The following UNC80 variants were observed in gnomAD, a reference collection of about 807,000 sequenced individuals.
UNC80 encodes unc-80 subunit of NALCN channel complex.
A neutral mutation model predicts 384.6 loss-of-function variants in UNC80; 164 were observed. That is an observed-to-expected ratio of 0.43 (90% CI 0.38 to 0.49). The LOEUF (loss-of-function observed/expected upper bound fraction) is 0.49, where lower values mean the gene tolerates loss of function less well. Among genes scored for constraint, UNC80 ranks in the 20% least tolerant of loss-of-function variants. The pLI, the probability that UNC80 is intolerant of heterozygous loss-of-function variation, is 0.00. For synonymous variants in UNC80, 1,486 were observed against 1,527.8 expected (o/e 0.97, Z 0.64); for missense variants, 3,330 against 4,143.0 (o/e 0.80, Z 5.39).
At position 209,933,976 on chromosome 2, in the gene UNC80, T is replaced by C; in HGVS notation, c.6149T>C (p.Val2050Ala). 6.5e-7 allele frequency: 1 copy of C among 1,549,612 alleles called. No homozygotes were observed. The highest frequency in any genetic ancestry group is 8.7e-7 in the Non-Finnish European group (1 of 1,146,246). The change falls in exon 39 of 65, where the codon GTG becomes GCG. Residue 2050 changes from valine (V) to alanine (A), a missense_variant. Physicochemically the swap from Val to Ala is moderately conservative, Grantham distance 64. Transcript: ENST00000673920. ...KQTMKKEQCEVKLLVTASMPG... is the reference protein window; with the variant it reads ...KQTMKKEQCEAKLLVTASMPG... Reference sequence around the variant, plus strand: ...ACGATGAAGAAGGAGCAGTGTGAGGTGAAGCTCCTGGTGACCGCTTCAATG... The same window carrying C: ...ACGATGAAGAAGGAGCAGTGTGAGGCGAAGCTCCTGGTGACCGCTTCAATG...
At chr2:209,788,246 A>G (rs1187330711) in intron 5 of UNC80, among the ~76,000 whole-genome samples, 1 of 151,882 alleles carries the variant, frequency 6.6e-6, no homozygotes, top group Non-Finnish European at 1.5e-5. Context: ...GAGAAACCCC[A>G]TCTCTATTAA....
At chr2:209,896,513 G>A (rs1245783376) in intron 28 of UNC80, 100 bp downstream of exon 28, 8 of 974,934 alleles carry the variant, frequency 8.2e-6, no homozygotes, top group African/African-American at 6.5e-5. Flanking sequence ...TCATCAATCC[G>A]ATCTAGCCTC....
chr2:209,826,146 GA>G, intron 14 of UNC80, 93 bp downstream of exon 14: 2 of 1,288,980 alleles, frequency 1.6e-6, no homozygotes, highest in South Asian at 3.5e-5. Context: ...AGTGTTCCCT[GA>G]AAAATATTGT....
intron 22 of UNC80, among the ~76,000 whole-genome samples, chr2:209,869,487 A>T (rs1417397218): frequency 6.6e-6 from 1 of 152,112 alleles, no homozygotes; most frequent in Non-Finnish European, 1.5e-5. Context: ...TTGCCCGTAG[A>T]TTTGTACCTT....
chr2:209,908,465 A>G (rs1360937774), intron 29 of UNC80, among the ~76,000 whole-genome samples: 1 of 152,240 alleles, frequency 6.6e-6, no homozygotes, highest in East Asian at 1.9e-4. Context: ...CACCTTTACC[A>G]AAGAATTCTG....
At chr2:209,800,806 C>G (rs192026298) in intron 7 of UNC80, among the ~76,000 whole-genome samples, 3 of 152,190 alleles carry the variant, frequency 2.0e-5, no homozygotes, top group African/African-American at 4.8e-5. Flanking sequence ...GCCTTAATTT[C>G]ATTATTTACC....
At position 209,945,908 on chromosome 2, in the gene UNC80, C is replaced by G; in HGVS notation, c.7251C>G (p.Val2417=). ...TCAGTGAAGCCATTAAGCTCTGTGT[C>G]ACTGTGGTGGCGTATGCTCCCGAAT... ...FSISEAIKLC[V]TVVAYAPESF... Residue 2417 remains valine, a synonymous_variant, in exon 47 of 65, where the codon GTC becomes GTG. Coordinates refer to ENST00000673920, the MANE Select transcript of UNC80 (RefSeq NM_001371986.1). 6.4e-7 allele frequency: 1 copy of G among 1,551,970 alleles called. No homozygotes were observed. Among genetic ancestry groups the G allele is most frequent in the Non-Finnish European group, 8.7e-7 (1 of 1,146,932 alleles).
intron 28 of UNC80, among the ~76,000 whole-genome samples, chr2:209,902,355 T>G (rs1273727171): frequency 1.3e-5 from 2 of 152,190 alleles, no homozygotes; most frequent in African/African-American, 4.8e-5. Context: ...TTATGAACAT[T>G]ATTGCAATGA....
chr2:209,819,333 A>G, intron 12 of UNC80, 72 bp downstream of exon 12: 3 of 1,413,564 alleles, frequency 2.1e-6, no homozygotes, highest in Non-Finnish European at 2.8e-6. Flanking sequence ...GCAATGTTAT[A>G]TAAAATGGGC....
rs767979670 is a variant in UNC80 at position 209,829,462 on chromosome 2, G to A, written c.2626+83G>A. Reference sequence around the variant, plus strand: ...GTTTCAAGGGGACACTAAATTTGTGGAGGTAGAATTTAGAGGAAAAGATAC... The same window carrying A: ...GTTTCAAGGGGACACTAAATTTGTGAAGGTAGAATTTAGAGGAAAAGATAC... On this transcript the variant is annotated intron_variant, in intron 15 of 64. Transcript: ENST00000673920. 3.4e-6 allele frequency: 5 copies of A among 1,453,614 alleles called. 1 individual carries two copies. Among genetic ancestry groups the A allele is most frequent in the Non-Finnish European group, 4.7e-6 (5 of 1,066,486 alleles). 90.0% of individuals were successfully genotyped at this position (1,453,614 alleles called of 1,614,324 possible).
chr2:209,878,895 T>A (rs1220303847), intron 24 of UNC80, among the ~76,000 whole-genome samples: 1 of 152,188 alleles, frequency 6.6e-6, no homozygotes, highest in Non-Finnish European at 1.5e-5. Flanking sequence ...ATGTTAAGAG[T>A]TGTCCTTCAT....
In UNC80 at chr2:209,849,585, A is replaced by G. The variant is rs1046397341; in HGVS notation, c.3589A>G (p.Ile1197Val). 20 of 1,550,918 alleles carry G rather than the reference A, an allele frequency of 1.3e-5. No homozygotes were observed. The Admixed American group carries it at 2.4e-4, about 18-fold the overall frequency. Residue 1197 changes from isoleucine (I) to valine (V), a missense_variant, in exon 22 of 65, where the codon ATT (isoleucine) becomes GTT (valine). By Grantham distance (29) the Ile-to-Val change is conservative. Coordinates refer to ENST00000673920, the MANE Select transcript of UNC80 (RefSeq NM_001371986.1). ...FLLNCCEPGT[I>V]PDASILAAAL... ...GTTAAACTGCTGTGAGCCAGGGACA[A>G]TTCCTGATGCCTCCATCCTAGCAGC...
At chr2:209,798,495 T>C (rs2078312206) in intron 7 of UNC80, among the ~76,000 whole-genome samples, 1 of 152,032 alleles carries the variant, frequency 6.6e-6, no homozygotes, top group Non-Finnish European at 1.5e-5. Flanking sequence ...ATTTCTGAGG[T>C]CTCTGTTCTG....
At position 209,982,317 on chromosome 2, in the gene UNC80, G is replaced by A; in HGVS notation, c.9257G>A (p.Ser3086Asn). Residue 3086 changes from serine (S) to asparagine (N), a missense_variant and splice_region_variant, in exon 60 of 65, where the codon AGT becomes AAT. Ser to Asn is a conservative substitution (Grantham distance 46). Around this residue, in one of 8 missense-constraint regions of UNC80, gnomAD observed 216 missense variants for 245.3 expected, o/e 0.88. Transcript: ENST00000673920. Reference protein sequence around the residue: ...QAEVGMLPSQSEPNVLDDSQG... With the variant: ...QAEVGMLPSQNEPNVLDDSQG... ...GAGGTGGGCATGCTACCCAGCCAGA[G>A]GTAAACAGCTATGGTTATACTGTAC... 1 of 1,550,746 alleles carries A rather than the reference G, an allele frequency of 6.4e-7. No individual in the cohort carries two copies. The highest frequency in any genetic ancestry group is 8.7e-7 in the Non-Finnish European group (1 of 1,146,688).
intron 47 of UNC80, among the ~76,000 whole-genome samples, chr2:209,947,016 A>T (rs1312087944): frequency 1.3e-5 from 2 of 152,212 alleles, no homozygotes; most frequent in Non-Finnish European, 2.9e-5. Context: ...GGAGAAAAAC[A>T]GTATGCCTGT....
chr2:209,777,680 T>C, intron 4 of UNC80, 121 bp downstream of exon 4: 1 of 1,093,182 alleles, frequency 9.1e-7, no homozygotes, highest in Admixed American at 2.6e-5. Flanking sequence ...AGTCAAGGCA[T>C]GGAGAACTTT....
intron 7 of UNC80, among the ~76,000 whole-genome samples, chr2:209,797,778 A>G (rs956914283): frequency 6.6e-6 from 1 of 152,206 alleles, no homozygotes; most frequent in Non-Finnish European, 1.5e-5. Flanking sequence ...TCCCACCAAC[A>G]GTGTAAAAGC....
chr2:209,857,758 A>G (rs931120522), intron 22 of UNC80, among the ~76,000 whole-genome samples: 16 of 152,134 alleles, frequency 1.1e-4, no homozygotes, highest in African/African-American at 3.9e-4. Flanking sequence ...TTTTTGTTTT[A>G]ATTTACTTTT....
intron 1 of UNC80, 90 bp downstream of exon 1, chr2:209,772,254 A>T: frequency 1.7e-6 from 1 of 602,954 alleles, no homozygotes; most frequent in Non-Finnish European, 2.4e-6. Flanking sequence ...GCCGCCGCTG[A>T]GGCCGCGCCA....
Sources: allele counts gnomAD v4.1 joint callset (sites outside exome capture counted in the v4.1 genomes callset), GRCh38; gene constraint gnomAD v4.1.1; regional missense constraint gnomAD v4.1.1; transcripts MANE v1.5; gene names NCBI Gene and HGNC (gene_info 2026-07-23, HGNC 2026-07-21).